Variants in CDH18 observed in about 807,000 individuals in gnomAD.
The protein encoded by CDH18 is cadherin-18.
In CDH18, 31 loss-of-function variants were observed where a neutral mutation model predicts 67.9. The observed-to-expected ratio is 0.46, with a 90% CI of 0.34 to 0.62. CDH18 has a LOEUF of 0.62. Ranked by LOEUF, CDH18 falls within the 20% of genes least tolerant of loss-of-function variation. The pLI is 0.01. For missense variants in CDH18, 890 were observed against 975.5 expected, an observed-to-expected ratio of 0.91 and a Z score of 1.17; for synonymous variants, 362 against 347.2, an observed-to-expected ratio of 1.04 and a Z score of -0.48.
At chr5:19,489,655 A>T (rs926376463) in intron 11 of CDH18, among the ~76,000 whole-genome samples, 3 of 152,182 alleles carry the variant, frequency 2.0e-5, no homozygotes, top group Admixed American at 6.5e-5. Flanking sequence ...CTTTTTCTGC[A>T]AAGAAGCTGC....
intron 5 of CDH18, among the ~76,000 whole-genome samples, chr5:19,628,033 C>T (rs1751817657): frequency 6.6e-6 from 1 of 152,140 alleles, no homozygotes; most frequent in Non-Finnish European, 1.5e-5. Context: ...ACCCAAATCT[C>T]ATTTTGAACT....
At position 19,520,862 on chromosome 5, in the gene CDH18, C is replaced by T. The variant is rs868665740; in HGVS notation, c.1391-84G>A. 29 of 1,427,410 alleles carry T rather than the reference C, an allele frequency of 2.0e-5. 1 individual carries two copies. In the Middle Eastern group the frequency reaches 3.7e-3, roughly 183 times the overall value. 88.4% of individuals were successfully genotyped at this position (1,427,410 alleles called of 1,614,324 possible). A position where few individuals can be genotyped will look rare whatever the true frequency, so the allele number is the denominator to read the frequency against. On this transcript the variant is annotated intron_variant, in intron 9 of 12. Coordinates refer to ENST00000382275, the MANE Select transcript of CDH18 (RefSeq NM_004934.5). ...AAAACAAATCTCTTTAATACTGTAG[C>T]TTGTCACTGGTTCCATATGCCATAG...
chr5:20,457,205 G>C (rs1346635895), intron 1 of CDH18, among the ~76,000 whole-genome samples: 4 of 152,082 alleles, frequency 2.6e-5, no homozygotes, highest in Non-Finnish European at 4.4e-5. Flanking sequence ...TTGTATTAAA[G>C]AATACTTTAA....
intron 3 of CDH18, among the ~76,000 whole-genome samples, chr5:19,813,355 T>TA (rs200934154): frequency 0.011 from 1,694 of 151,984 alleles, 30 homozygotes; most frequent in African/African-American, 0.038. Context: ...TCAGATTCTA[T>TA]AAAAAAACAG....
intron 5 of CDH18, among the ~76,000 whole-genome samples, chr5:19,647,527 CAAAAAAAAAAAAAAAA>C (rs3062888): frequency 1.3e-3 from 37 of 28,810 alleles, no homozygotes; most frequent in Admixed American, 5.7e-3. Flanking sequence ...GAGACTCCAT[CAAAAAAAAAAAAAAAA>C]AAAAAAAAAA....
At chr5:20,481,744 T>C (rs890773865) in intron 1 of CDH18, among the ~76,000 whole-genome samples, 5 of 152,100 alleles carry the variant, frequency 3.3e-5, no homozygotes, top group African/African-American at 1.2e-4. Flanking sequence ...ATTTTAAAAA[T>C]TCTTGAAACA....
chr5:20,301,149 G>T (rs1409324290), intron 1 of CDH18, among the ~76,000 whole-genome samples: 3 of 152,060 alleles, frequency 2.0e-5, no homozygotes, highest in Non-Finnish European at 4.4e-5. Context: ...CAAGGTCAGA[G>T]CAGAGTAATT....
intron 1 of CDH18, among the ~76,000 whole-genome samples, chr5:20,565,727 G>A (rs1479151338): frequency 6.7e-6 from 1 of 148,742 alleles, no homozygotes; most frequent in Non-Finnish European, 1.5e-5. Flanking sequence ...GTCTTCCTGA[G>A]CCTTTGCGTT....
intron 3 of CDH18, among the ~76,000 whole-genome samples, chr5:19,790,226 C>T (rs377028459): frequency 6.6e-6 from 1 of 152,102 alleles, no homozygotes; most frequent in South Asian, 2.1e-4. Flanking sequence ...TCTTCTTAAA[C>T]TTTCCTAGTC....
At chr5:19,714,158 T>A (rs1440043324) in intron 5 of CDH18, among the ~76,000 whole-genome samples, 1 of 152,160 alleles carries the variant, frequency 6.6e-6, no homozygotes, top group Non-Finnish European at 1.5e-5. Context: ...ATCCAGAAGA[T>A]GATAAAGCTG....
chr5:20,279,035 G>A (rs1233661104), intron 1 of CDH18, among the ~76,000 whole-genome samples: 4 of 151,980 alleles, frequency 2.6e-5, no homozygotes, highest in Non-Finnish European at 5.9e-5. Flanking sequence ...CAAAATAGCA[G>A]GAGTAAGTCC....
At chr5:19,748,430 A>G (rs982552871) in intron 3 of CDH18, among the ~76,000 whole-genome samples, 4 of 152,186 alleles carry the variant, frequency 2.6e-5, no homozygotes, top group South Asian at 2.1e-4. Context: ...AGATTCTGCT[A>G]TAACACCAAA....
intron 2 of CDH18, among the ~76,000 whole-genome samples, chr5:20,055,697 T>C (rs543932578): frequency 2.1e-4 from 32 of 152,332 alleles, no homozygotes; most frequent in Admixed American, 1.4e-3. Flanking sequence ...CTGAAAGTAA[T>C]GGATAAAGTA....
At chr5:19,661,745 AG>A (rs1384209976) in intron 5 of CDH18, among the ~76,000 whole-genome samples, 3 of 152,114 alleles carry the variant, frequency 2.0e-5, no homozygotes, top group African/African-American at 7.2e-5. Context: ...AAAACTCTAC[AG>A]GGAAAAATGA....
At chr5:19,714,396 C>A (rs1402746863) in intron 5 of CDH18, among the ~76,000 whole-genome samples, 1 of 151,908 alleles carries the variant, frequency 6.6e-6, no homozygotes, top group African/African-American at 2.4e-5. Flanking sequence ...TTTAATAACT[C>A]TCTATTTCTT....
rs1305084114 is a variant in CDH18, at chr5:19,472,136, G to A, written c.*1090C>T. ...TGAGATGGAAAAAATCTGAAACTGT[G>A]TAAGGAATAAATGTAAGTCAACTAT... On this transcript the variant is annotated 3_prime_UTR_variant, in exon 13 of 13. Transcript: ENST00000382275. Among the ~76,000 whole-genome samples, 2 of 152,124 alleles carry A rather than the reference G, an allele frequency of 1.3e-5. No individual in the cohort carries two copies. Among genetic ancestry groups the A allele is most frequent in the African/African-American group, 2.4e-5 (1 of 41,434 alleles).
intron 1 of CDH18, among the ~76,000 whole-genome samples, chr5:20,369,206 A>C (rs1742774487): frequency 6.6e-6 from 1 of 152,096 alleles, no homozygotes. Context: ...TAAATGTCTG[A>C]AAAGGAAAGA....
chr5:20,278,071 T>G (rs1050933988), intron 1 of CDH18, among the ~76,000 whole-genome samples: 1 of 152,068 alleles, frequency 6.6e-6, no homozygotes, highest in Non-Finnish European at 1.5e-5. Flanking sequence ...TTAAAGTAGA[T>G]AGATAATGAG....
At chr5:19,753,904 A>G (rs1034303228) in intron 3 of CDH18, among the ~76,000 whole-genome samples, 56 of 152,288 alleles carry the variant, frequency 3.7e-4, no homozygotes, top group African/African-American at 1.3e-3. Flanking sequence ...AGAAAGATAC[A>G]GTTTTTTTCA....
Sources: allele counts gnomAD v4.1 joint callset (sites outside exome capture counted in the v4.1 genomes callset), GRCh38; gene constraint gnomAD v4.1.1; transcripts MANE v1.5; gene names NCBI Gene and HGNC (gene_info 2026-07-23, HGNC 2026-07-21).